MGST1: variants seen among roughly 807,000 people sequenced by gnomAD.
The protein encoded by MGST1 is glutathione S-transferase 12.
In MGST1, 5 loss-of-function variants were observed where a neutral mutation model predicts 8.9. The ratio of observed to expected loss-of-function variants is 0.56; its 90% CI spans 0.29 to 1.19. The LOEUF is 1.19. MGST1 is among the 50% of genes most tolerant of loss of function. The pLI is 0.08. For synonymous variants in MGST1, 54 were observed against 67.8 expected (o/e 0.80, Z 1.00); for missense variants, 182 against 187.4 (o/e 0.97, Z 0.17).
intron 4 of MGST1, among the ~76,000 whole-genome samples, chr12:16,507,067 A>G (rs1445301240): frequency 1.3e-5 from 2 of 151,986 alleles, no homozygotes; most frequent in Non-Finnish European, 2.9e-5. Context: ...GTGGAAGTAC[A>G]TAGGAGGGAG....
chr12:16,574,601 C>T (rs1942933907), intron 4 of MGST1, among the ~76,000 whole-genome samples: 1 of 152,062 alleles, frequency 6.6e-6, no homozygotes, highest in African/African-American at 2.4e-5. Context: ...CTATTTGTAC[C>T]ACTTTTTAAA....
chr12:16,554,561 T>C (rs1463894209), intron 4 of MGST1, among the ~76,000 whole-genome samples: 2 of 152,224 alleles, frequency 1.3e-5, no homozygotes, highest in Non-Finnish European at 2.9e-5. Context: ...TACATCTCAC[T>C]GCTAACAACC....
chr12:16,592,890 T>C (rs1943537137), downstream of MGST1, among the ~76,000 whole-genome samples: 1 of 151,830 alleles, frequency 6.6e-6, no homozygotes, highest in East Asian at 1.9e-4. Context: ...TAAATAAACA[T>C]CTCTGTTAGA....
chr12:16,513,358 C>G lies in MGST1; in HGVS notation n.483-76170C>G. 1 of 353,626 alleles carries G rather than the reference C, an allele frequency of 2.8e-6. No homozygotes were observed. Among genetic ancestry groups the G allele is most frequent in the East Asian group, 7.5e-5 (1 of 13,284 alleles). 21.9% of individuals were successfully genotyped at this position (353,626 alleles called of 1,614,324 possible). On this transcript the variant is annotated intron_variant and non_coding_transcript_variant, in intron 4 of 4. Transcript: ENST00000538857. This position sits in a 1 kb window ranked among gnomAD's most constrained non-coding sequence, Gnocchi z 4.2. ...ATTTTATGCTTGCCCTCTGCTCCGTCCTGCGTCTGCCCACTGCCCTCCTAC... is the reference window on the plus strand; with the variant it reads ...ATTTTATGCTTGCCCTCTGCTCCGTGCTGCGTCTGCCCACTGCCCTCCTAC...
intron 1 of MGST1, among the ~76,000 whole-genome samples, chr12:16,426,735 A>G (rs1940892524): frequency 6.6e-6 from 1 of 152,104 alleles, no homozygotes; most frequent in South Asian, 2.1e-4. Flanking sequence ...GCGGATCACA[A>G]GGTCAGGAGA....
chr12:16,463,041 T>G (rs575183539), intron 4 of MGST1, among the ~76,000 whole-genome samples: 14 of 152,256 alleles, frequency 9.2e-5, no homozygotes, highest in South Asian at 2.1e-4. Flanking sequence ...ATCTAAAACT[T>G]AAAGGGTAGT....
intron 1 of MGST1, among the ~76,000 whole-genome samples, chr12:16,390,217 T>C (rs1018367453): frequency 2.6e-5 from 4 of 152,064 alleles, no homozygotes; most frequent in Admixed American, 2.0e-4. Flanking sequence ...AAAAGAACAA[T>C]TTAAAATATT....
intron 4 of MGST1, among the ~76,000 whole-genome samples, chr12:16,494,709 G>A (rs1941459282): frequency 6.6e-6 from 1 of 152,078 alleles, no homozygotes; most frequent in Admixed American, 6.6e-5. Flanking sequence ...TTTGCAGAGA[G>A]GCTTCTTTTC....
intron 4 of MGST1, among the ~76,000 whole-genome samples, chr12:16,494,644 G>A (rs1941458943): frequency 1.3e-5 from 2 of 152,122 alleles, no homozygotes; most frequent in African/African-American, 4.8e-5. Flanking sequence ...GCATGGATGG[G>A]ACCTGTATGG....
At chr12:16,479,535 C>T (rs76591437) in intron 4 of MGST1, among the ~76,000 whole-genome samples, 4 of 113,096 alleles carry the variant, frequency 3.5e-5, no homozygotes, top group African/African-American at 3.8e-5. Flanking sequence ...CGCCCGGCCT[C>T]TTTTTTTTTT....
At chr12:16,414,062 CAAAAAA>C (rs775074092) in intron 1 of MGST1, among the ~76,000 whole-genome samples, 2 of 124,802 alleles carry the variant, frequency 1.6e-5, no homozygotes, top group Admixed American at 8.1e-5. Context: ...TGGTTTTATA[CAAAAAA>C]AAAAATAATA....
At chr12:16,515,832 G>A (rs778549017) in intron 4 of MGST1, among the ~76,000 whole-genome samples, 13 of 152,012 alleles carry the variant, frequency 8.6e-5, no homozygotes, top group Non-Finnish European at 1.6e-4. Flanking sequence ...GAATGTGGTT[G>A]TGCATTTGCT....
chr12:16,489,175 A>G (rs1416296352), intron 4 of MGST1, among the ~76,000 whole-genome samples: 2 of 152,192 alleles, frequency 1.3e-5, no homozygotes, highest in African/African-American at 4.8e-5. Flanking sequence ...TAAATGAGTC[A>G]TTTATTGAAT....
intron 4 of MGST1, among the ~76,000 whole-genome samples, chr12:16,510,361 C>G (rs1941569003): frequency 6.6e-6 from 1 of 152,178 alleles, no homozygotes; most frequent in African/African-American, 2.4e-5. Flanking sequence ...GAAAGAAATA[C>G]CTTTTCCTCA....
At chr12:16,398,850 T>C (rs1940627915) in intron 1 of MGST1, among the ~76,000 whole-genome samples, 1 of 152,054 alleles carries the variant, frequency 6.6e-6, no homozygotes, top group Non-Finnish European at 1.5e-5. Flanking sequence ...GTCATGGCAA[T>C]AGGGTAGGTT....
intron 4 of MGST1, among the ~76,000 whole-genome samples, chr12:16,491,719 AGAATT>A (rs1941439859): frequency 6.6e-6 from 1 of 152,228 alleles, no homozygotes; most frequent in Non-Finnish European, 1.5e-5. Flanking sequence ...TCTTATAGAT[AGAATT>A]ATGTTTAGCT....
intron 4 of MGST1, among the ~76,000 whole-genome samples, chr12:16,553,316 T>C (rs899328752): frequency 3.4e-4 from 51 of 152,128 alleles, no homozygotes; most frequent in Admixed American, 3.3e-3. Context: ...AGCTTTTACC[T>C]GAGGGCAGTA....
At chr12:16,486,459 AT>A (rs756454002) in intron 4 of MGST1, among the ~76,000 whole-genome samples, 3 of 152,310 alleles carry the variant, frequency 2.0e-5, no homozygotes, top group East Asian at 3.9e-4. Flanking sequence ...TGGCAAATTT[AT>A]TTTTCTAAGT....
chr12:16,525,234 C>T (rs1941676667), intron 4 of MGST1, among the ~76,000 whole-genome samples: 1 of 150,682 alleles, frequency 6.6e-6, no homozygotes, highest in African/African-American at 2.4e-5. Context: ...CATGCTGGTG[C>T]ACTGCACCCA....
Sources: allele counts gnomAD v4.1 joint callset (sites outside exome capture counted in the v4.1 genomes callset), GRCh38; gene constraint gnomAD v4.1.1; non-coding constraint Gnocchi (gnomAD v3.1); transcripts MANE v1.5; gene names NCBI Gene and HGNC (gene_info 2026-07-23, HGNC 2026-07-21).